Variants in CNTNAP2 observed in about 807,000 individuals in gnomAD.
The protein encoded by CNTNAP2 is contactin-associated protein-like 2.
Under a neutral mutation model 155.2 loss-of-function variants are expected in CNTNAP2, and 98 were observed. The ratio of observed to expected loss-of-function variants is 0.63; its 90% CI spans 0.54 to 0.75. CNTNAP2 has a LOEUF of 0.75. CNTNAP2 is among the 30% of genes least tolerant of loss of function. The pLI is 0.00. For missense variants in CNTNAP2, 1,727 were observed against 1,688.1 expected (o/e 1.02, Z -0.40); for synonymous variants, 651 against 631.2 (o/e 1.03, Z -0.47).
rs188698292 is a variant in CNTNAP2, at chr7:148,220,206, C to T, written c.3247+2682C>T. ...CAAGCTCTGCCTTCCAGGTTCACACCATTCTCCTGCCTCAGCCTCCCGAGT... is the reference window on the plus strand; with the variant it reads ...CAAGCTCTGCCTTCCAGGTTCACACTATTCTCCTGCCTCAGCCTCCCGAGT... On this transcript the variant is annotated intron_variant, in intron 19 of 23. Coordinates refer to ENST00000361727, the MANE Select transcript of CNTNAP2 (RefSeq NM_014141.6). Among the ~76,000 whole-genome samples the T allele has an allele frequency of 6.5e-3, 990 of 152,310 alleles. 7 individuals are homozygous for T. Among genetic ancestry groups the T allele is most frequent in the African/African-American group, 0.023 (938 of 41,560 alleles).
At chr7:147,604,680 C>T (rs1167519268) in intron 12 of CNTNAP2, among the ~76,000 whole-genome samples, 2 of 152,134 alleles carry the variant, frequency 1.3e-5, no homozygotes, top group African/African-American at 4.8e-5. Context: ...TCTAGCAGTA[C>T]TATCAGAGGG....
intron 21 of CNTNAP2, among the ~76,000 whole-genome samples, chr7:148,285,731 G>A (rs977856408): frequency 6.6e-6 from 1 of 152,194 alleles, no homozygotes; most frequent in African/African-American, 2.4e-5. Flanking sequence ...GGGTCTTTCT[G>A]TGCTTGTTGG....
intron 13 of CNTNAP2, among the ~76,000 whole-genome samples, chr7:147,764,389 A>G (rs1797353210): frequency 6.6e-6 from 1 of 152,152 alleles, no homozygotes; most frequent in Non-Finnish European, 1.5e-5. Context: ...AGCTGAAAGC[A>G]CACTCCAAAT....
intron 1 of CNTNAP2, among the ~76,000 whole-genome samples, chr7:146,371,757 C>T (rs1017881954): frequency 1.3e-5 from 2 of 151,654 alleles, no homozygotes; most frequent in African/African-American, 2.4e-5. Flanking sequence ...GAGTTTGAGA[C>T]CAGCCTGGCC....
intron 10 of CNTNAP2, among the ~76,000 whole-genome samples, chr7:147,473,117 C>T (rs974358816): frequency 2.0e-5 from 3 of 152,156 alleles, no homozygotes; most frequent in African/African-American, 7.2e-5. Flanking sequence ...TTGTGAATGC[C>T]TGTGAGAAAA....
chr7:146,715,160 G>A (rs772327972), intron 1 of CNTNAP2, among the ~76,000 whole-genome samples: 17 of 152,104 alleles, frequency 1.1e-4, no homozygotes, highest in African/African-American at 1.9e-4. Flanking sequence ...GTGAAACCCC[G>A]TCTCTACTAA....
At chr7:147,091,993 C>G (rs112430758) in intron 4 of CNTNAP2, among the ~76,000 whole-genome samples, 1,535 of 152,242 alleles carry the variant, frequency 0.01, 37 homozygotes, top group African/African-American at 0.034. Context: ...CCCACCTCCA[C>G]CTCCCAAAGT....
chr7:147,597,893 T>C (rs556206064), intron 12 of CNTNAP2, among the ~76,000 whole-genome samples: 3 of 152,312 alleles, frequency 2.0e-5, no homozygotes, highest in South Asian at 4.1e-4. Context: ...CTCCAGTCAA[T>C]TCGCACCCTT....
At chr7:147,662,034 G>A (rs78186153) in intron 13 of CNTNAP2, among the ~76,000 whole-genome samples, 1 of 152,152 alleles carries the variant, frequency 6.6e-6, no homozygotes, top group South Asian at 2.1e-4. Flanking sequence ...AGATACCTCT[G>A]AGTCTTGGTT....
intron 3 of CNTNAP2, among the ~76,000 whole-genome samples, chr7:146,980,768 A>G (rs958996673): frequency 6.6e-6 from 1 of 152,118 alleles, no homozygotes; most frequent in Non-Finnish European, 1.5e-5. Flanking sequence ...TAATCCAAAC[A>G]CCTACCACCA....
chr7:146,400,272 A>C (rs2129108167), intron 1 of CNTNAP2, among the ~76,000 whole-genome samples: 1 of 152,276 alleles, frequency 6.6e-6, no homozygotes, highest in East Asian at 1.9e-4. Context: ...CTAGTAAAAA[A>C]AAAAAATATG....
At chr7:146,589,691 T>C (rs1798751694) in intron 1 of CNTNAP2, among the ~76,000 whole-genome samples, 1 of 151,762 alleles carries the variant, frequency 6.6e-6, no homozygotes, top group South Asian at 2.1e-4. Flanking sequence ...GGCACGTGTA[T>C]ACTTATGTAA....
At chr7:147,631,590 G>C (rs1374893558) in intron 12 of CNTNAP2, among the ~76,000 whole-genome samples, 1 of 152,132 alleles carries the variant, frequency 6.6e-6, no homozygotes, top group Non-Finnish European at 1.5e-5. Context: ...ATTCTACAAG[G>C]CTATAGAGAC....
At chr7:147,832,510 T>A (rs1173803427) in intron 13 of CNTNAP2, among the ~76,000 whole-genome samples, 1 of 145,910 alleles carries the variant, frequency 6.9e-6, no homozygotes, top group Non-Finnish European at 1.5e-5. Flanking sequence ...ATTTTAAGTA[T>A]ATTTAATTAT....
At chr7:146,500,527 C>G (rs544294060) in intron 1 of CNTNAP2, among the ~76,000 whole-genome samples, 18 of 152,166 alleles carry the variant, frequency 1.2e-4, no homozygotes, top group African/African-American at 4.3e-4. Context: ...CAGTTCTTTT[C>G]TACTTTTTGG....
chr7:148,389,384 C>CA (rs1171865431), intron 22 of CNTNAP2, among the ~76,000 whole-genome samples: 2 of 152,102 alleles, frequency 1.3e-5, no homozygotes, highest in Non-Finnish European at 2.9e-5. Context: ...TGCCTGCTGC[C>CA]ATCCATGTAA....
intron 3 of CNTNAP2, among the ~76,000 whole-genome samples, chr7:146,841,033 T>C (rs552982331): frequency 6.6e-6 from 1 of 152,288 alleles, no homozygotes; most frequent in East Asian, 1.9e-4. Flanking sequence ...ATAATTCAAA[T>C]CCTCAGGCAT....
intron 1 of CNTNAP2, among the ~76,000 whole-genome samples, chr7:146,261,974 G>A (rs988196751): frequency 6.6e-5 from 10 of 151,956 alleles, no homozygotes; most frequent in South Asian, 2.1e-4. Context: ...TTAAATATTC[G>A]ACTGCATTGA....
chr7:147,144,300 C>T (rs554448776), intron 8 of CNTNAP2, among the ~76,000 whole-genome samples: 16 of 152,244 alleles, frequency 1.1e-4, no homozygotes, highest in Admixed American at 9.2e-4. Context: ...CGTGTGGACA[C>T]GGAGAAGTAA....
Sources: gnomAD v4.1 joint callset for allele counts (sites outside exome capture counted in the v4.1 genomes callset) on GRCh38, gnomAD v4.1.1 for gene constraint, MANE v1.5 for transcripts, NCBI Gene and HGNC (gene_info 2026-07-23, HGNC 2026-07-21) for gene names.